Variants in CCBE1 observed in about 807,000 individuals in gnomAD.
The protein encoded by CCBE1 is collagen and calcium binding EGF domains 1.
A neutral mutation model predicts 50.0 loss-of-function variants in CCBE1; 37 were observed. The ratio of observed to expected loss-of-function variants is 0.74; its 90% CI spans 0.57 to 0.97. CCBE1 has a LOEUF of 0.97. Among genes scored for constraint, CCBE1 ranks in the 50% least tolerant of loss-of-function variants. The pLI, the probability that CCBE1 is intolerant of heterozygous loss-of-function variation, is 0.00. For synonymous variants in CCBE1, 234 were observed against 203.7 expected, an observed-to-expected ratio of 1.15 and a Z score of -1.27; for missense variants, 538 against 523.8, an observed-to-expected ratio of 1.03 and a Z score of -0.26.
In CCBE1 at chr18:59,697,354, C is replaced by T; in HGVS notation, c.-12G>A. On this transcript the variant is annotated 5_prime_UTR_variant, in exon 1 of 11. Coordinates refer to ENST00000439986, the MANE Select transcript of CCBE1 (RefSeq NM_133459.4). ...GGCGGCGGCACCATCAGGGAAGCTC[C>T]CGGCTTCTTCCCAGCGCCGAGCTCC... The T allele has an allele frequency of 6.5e-7, 1 of 1,544,802 alleles. No homozygotes were observed. The highest frequency in any genetic ancestry group is 8.7e-7 in the Non-Finnish European group (1 of 1,146,392).
chr18:59,674,119 A>G (rs2144715742), intron 2 of CCBE1, among the ~76,000 whole-genome samples: 1 of 152,248 alleles, frequency 6.6e-6, no homozygotes, highest in East Asian at 1.9e-4. Flanking sequence ...TCAATTTCAG[A>G]ACTTGTTATA....
chr18:59,444,870 C>G (rs868501547), intron 7 of CCBE1, among the ~76,000 whole-genome samples: 5 of 152,110 alleles, frequency 3.3e-5, no homozygotes, highest in Admixed American at 6.6e-5. Context: ...AATGTCTATT[C>G]AAGTCCTTTT....
At chr18:59,541,615 G>C (rs556431173) in intron 2 of CCBE1, among the ~76,000 whole-genome samples, 1 of 152,148 alleles carries the variant, frequency 6.6e-6, no homozygotes, top group Non-Finnish European at 1.5e-5. Flanking sequence ...GTCAGTCCTA[G>C]GTGTCCATAT....
intron 2 of CCBE1, among the ~76,000 whole-genome samples, chr18:59,585,127 T>C (rs1054333544): frequency 6.6e-6 from 1 of 152,024 alleles, no homozygotes; most frequent in Non-Finnish European, 1.5e-5. Flanking sequence ...CCATGTTCCT[T>C]CCAGCCAAAA....
At chr18:59,560,799 G>A (rs1258028816) in intron 2 of CCBE1, among the ~76,000 whole-genome samples, 1 of 152,176 alleles carries the variant, frequency 6.6e-6, no homozygotes, top group African/African-American at 2.4e-5. Flanking sequence ...TGGGTGTGTT[G>A]ATGGATAACG....
At position 59,448,065 on chromosome 18, in the gene CCBE1, C is replaced by G; in HGVS notation, c.693G>C (p.Lys231Asn). 6.2e-7 allele frequency: 1 copy of G among 1,614,160 alleles called. No homozygotes were observed. The highest frequency in any genetic ancestry group is 1.6e-4 in the Middle Eastern group (1 of 6,062). ...CCAGCACCTTGTCACCAGTGATATA[C>G]TTGCCCAGGTCAGCTGCATTGTTGG... ...LLPNNAADLG[K>N]YITGDKVLAS... Residue 231 changes from lysine (K) to asparagine (N), a missense_variant, in exon 7 of 11, where the codon AAG becomes AAC. Transcript: ENST00000439986.
intron 2 of CCBE1, among the ~76,000 whole-genome samples, chr18:59,562,520 C>T (rs1049691172): frequency 2.0e-5 from 3 of 152,212 alleles, no homozygotes; most frequent in African/African-American, 7.2e-5. Context: ...ATTTCCTACA[C>T]TCCATCTCCA....
chr18:59,527,695 C>T (rs183805207), intron 2 of CCBE1, among the ~76,000 whole-genome samples: 5 of 152,294 alleles, frequency 3.3e-5, no homozygotes, highest in Non-Finnish European at 1.5e-5. Context: ...CAAATTCTCT[C>T]AGGATTTGCT....
At chr18:59,596,308 C>T (rs1209351843) in intron 2 of CCBE1, among the ~76,000 whole-genome samples, 5 of 152,190 alleles carry the variant, frequency 3.3e-5, no homozygotes, top group African/African-American at 4.8e-5. Flanking sequence ...CAGCTGAGAA[C>T]AGCACACAAT....
At chr18:59,511,661 G>A (rs945151131) in intron 2 of CCBE1, among the ~76,000 whole-genome samples, 1 of 152,104 alleles carries the variant, frequency 6.6e-6, no homozygotes, top group African/African-American at 2.4e-5. Context: ...ATCGATTATT[G>A]CTAATTATAG....
intron 5 of CCBE1, among the ~76,000 whole-genome samples, chr18:59,463,255 C>A (rs1458251520): frequency 6.6e-6 from 1 of 152,188 alleles, no homozygotes; most frequent in Non-Finnish European, 1.5e-5. Context: ...TGTCTCTCAC[C>A]AGGGCAGACC....
chr18:59,562,502 G>T (rs1214466424), intron 2 of CCBE1, among the ~76,000 whole-genome samples: 1 of 152,076 alleles, frequency 6.6e-6, no homozygotes, highest in Admixed American at 6.6e-5. Context: ...GGGCCCACAT[G>T]GGAACTGATT....
At chr18:59,533,242 A>G (rs1285630776) in intron 2 of CCBE1, among the ~76,000 whole-genome samples, 2 of 152,240 alleles carry the variant, frequency 1.3e-5, no homozygotes, top group Admixed American at 6.5e-5. Context: ...TTGTTAGTTT[A>G]AAATTAAATG....
chr18:59,599,776 A>G (rs905077917), intron 2 of CCBE1, among the ~76,000 whole-genome samples: 1 of 152,244 alleles, frequency 6.6e-6, no homozygotes, highest in Non-Finnish European at 1.5e-5. Flanking sequence ...CTGGGGGTCT[A>G]TGGATAGACT....
chr18:59,561,271 G>A (rs1179215725), intron 2 of CCBE1, among the ~76,000 whole-genome samples: 1 of 152,126 alleles, frequency 6.6e-6, no homozygotes. Context: ...CAAAGCTTAT[G>A]TGTCAGGTTT....
At chr18:59,562,482 G>GA (rs78697156) in intron 2 of CCBE1, among the ~76,000 whole-genome samples, 26,550 of 152,050 alleles carry the variant, frequency 0.17, 3,262 homozygotes, top group East Asian at 0.42. Context: ...GTGGAGAAAT[G>GA]ACATAATGTG....
intron 2 of CCBE1, among the ~76,000 whole-genome samples, chr18:59,512,928 C>T (rs1220505503): frequency 6.6e-6 from 1 of 152,194 alleles, no homozygotes; most frequent in Non-Finnish European, 1.5e-5. Flanking sequence ...GACATCAGAG[C>T]ACCTCTACGA....
chr18:59,554,031 C>T (rs1040607756), intron 2 of CCBE1, among the ~76,000 whole-genome samples: 8 of 152,138 alleles, frequency 5.3e-5, no homozygotes, highest in African/African-American at 1.9e-4. Context: ...GAGATAAGGT[C>T]TCACTCTGTT....
chr18:59,590,495 T>C (rs2053248039), intron 2 of CCBE1, among the ~76,000 whole-genome samples: 1 of 151,536 alleles, frequency 6.6e-6, no homozygotes, highest in African/African-American at 2.4e-5. Flanking sequence ...CAAATTTTTG[T>C]TTTTTTATGG....
Sources: gnomAD v4.1 joint callset for allele counts (sites outside exome capture counted in the v4.1 genomes callset) on GRCh38, gnomAD v4.1.1 for gene constraint, MANE v1.5 for transcripts, NCBI Gene and HGNC (gene_info 2026-07-23, HGNC 2026-07-21) for gene names.